The following DGKI variants were observed in gnomAD, a reference collection of about 807,000 sequenced individuals.
DGKI encodes the protein DAG kinase iota.
In DGKI, 55 loss-of-function variants were observed where a neutral mutation model predicts 147.5. That is an observed-to-expected ratio of 0.37 (90% CI 0.30 to 0.47). The LOEUF (loss-of-function observed/expected upper bound fraction) is 0.47. Ranked by LOEUF, DGKI falls within the 20% of genes least tolerant of loss-of-function variation. The probability of loss-of-function intolerance (pLI) is 1.00; values close to 1 mark genes in which losing one functional copy is unlikely to be tolerated. For missense variants in DGKI, 1,007 were observed against 1,323.8 expected (o/e 0.76, Z 3.71); for synonymous variants, 469 against 477.1 (o/e 0.98, Z 0.22).
intron 2 of DGKI, among the ~76,000 whole-genome samples, chr7:137,683,847 G>A (rs1585367812): frequency 6.6e-6 from 1 of 152,026 alleles, no homozygotes; most frequent in Admixed American, 6.6e-5. Flanking sequence ...TAAGAGTGGA[G>A]ATTCACCTAA....
At chr7:137,654,051 G>A (rs954397548) in intron 5 of DGKI, among the ~76,000 whole-genome samples, 3 of 152,176 alleles carry the variant, frequency 2.0e-5, no homozygotes, top group African/African-American at 7.2e-5. Flanking sequence ...AATAAGTGCT[G>A]TCTCCTCTTG....
At chr7:137,454,705 A>G (rs1332746955) in intron 27 of DGKI, 1 of 152,198 alleles carries the variant, frequency 6.6e-6, no homozygotes, top group Non-Finnish European at 1.5e-5. Flanking sequence ...AAAAGGGTGA[A>G]GAAATAGAAA....
At chr7:137,588,355 C>T (rs1819482025) in intron 12 of DGKI, among the ~76,000 whole-genome samples, 1 of 151,626 alleles carries the variant, frequency 6.6e-6, no homozygotes, top group South Asian at 2.1e-4. Flanking sequence ...AACACTACTT[C>T]ATATAAAACC....
intron 30 of DGKI, among the ~76,000 whole-genome samples, chr7:137,398,879 A>G (rs1368193718): frequency 6.6e-6 from 1 of 151,996 alleles, no homozygotes; most frequent in African/African-American, 2.4e-5. Context: ...AGAAGGTCTT[A>G]TATCATCTAG....
Position 137,393,529 on chromosome 7 carries a change from A to G in DGKI, c.3057+2069T>C, listed in dbSNP as rs117676207. 2.5e-3 allele frequency among the ~76,000 whole-genome samples: 375 copies of G among 152,354 alleles called. 1 individual carries two copies. The highest frequency in any genetic ancestry group is 4.6e-3 in the Non-Finnish European group (311 of 68,030). On this transcript the variant is annotated intron_variant, in intron 32 of 32. Coordinates refer to ENST00000614521, the MANE Select transcript of DGKI (RefSeq NM_001321708.2). Reference sequence around the variant, plus strand: ...TAACCTGGCTCCATTAATCCTGAATATAAGTTGTGTGTTTCTCAATCAGGC... The same window carrying G: ...TAACCTGGCTCCATTAATCCTGAATGTAAGTTGTGTGTTTCTCAATCAGGC...
chr7:137,845,824 G>A (rs999568408), intron 1 of DGKI, among the ~76,000 whole-genome samples: 2 of 152,152 alleles, frequency 1.3e-5, no homozygotes, highest in Admixed American at 6.5e-5. Context: ...AGCCAGGAGA[G>A]AGGCAAGGAG....
intron 1 of DGKI, among the ~76,000 whole-genome samples, chr7:137,799,940 G>A (rs2116956799): frequency 6.6e-6 from 1 of 152,172 alleles, no homozygotes; most frequent in Non-Finnish European, 1.5e-5. Flanking sequence ...GTATTTAATG[G>A]CATTAGAAAT....
At chr7:137,837,485 T>C (rs1430547258) in intron 1 of DGKI, among the ~76,000 whole-genome samples, 1 of 152,194 alleles carries the variant, frequency 6.6e-6, no homozygotes, top group Admixed American at 6.6e-5. Flanking sequence ...GGCTGGTGTT[T>C]ATGTCCTCCC....
chr7:137,715,666 T>C (rs1015168449), intron 1 of DGKI, among the ~76,000 whole-genome samples: 5 of 152,224 alleles, frequency 3.3e-5, no homozygotes, highest in Non-Finnish European at 7.3e-5. Context: ...AGCAGTGCCC[T>C]GTAGCATGCA....
intron 1 of DGKI, among the ~76,000 whole-genome samples, chr7:137,734,224 G>A (rs1794961383): frequency 6.6e-6 from 1 of 152,050 alleles, no homozygotes. Flanking sequence ...ATAAAAGATG[G>A]ATTTGGGGGC....
chr7:137,574,319 C>T lies in DGKI; in HGVS notation c.1762-1481G>A, dbSNP rs183903826. On this transcript the variant is annotated intron_variant, in intron 17 of 32. Transcript: ENST00000614521. ...GTACTCTCAACTACTAAGCAAACAT[C>T]TTCCAACTTACTTAAGAACTTGAAA... Among the ~76,000 whole-genome samples, 115 of 152,258 alleles carry T rather than the reference C, an allele frequency of 7.6e-4. 1 individual carries two copies. Among genetic ancestry groups the T allele is most frequent in the African/African-American group, 2.5e-3 (105 of 41,532 alleles).
chr7:137,387,065 C>A lies in DGKI; in HGVS notation c.*4155G>T, dbSNP rs1019394778. The A allele has an allele frequency of 1.3e-5, 2 of 152,096 alleles. No individual in the cohort carries two copies. Among genetic ancestry groups the A allele is most frequent in the African/African-American group, 4.8e-5 (2 of 41,422 alleles). The allele number at this position is 152,096 out of a possible 1,614,324, so 9.4% of individuals were successfully genotyped here. On this transcript the variant is annotated 3_prime_UTR_variant, in exon 33 of 33. Transcript: ENST00000614521. The stretch of plus-strand genomic sequence containing the variant: ...CTACTCCTTCTGGAAGGAAGACAAG[C>A]TGCTCAGACCCCCATACTACACTGA...
In DGKI at chr7:137,605,582, T is replaced by A. The variant is rs1416903234; in HGVS notation, c.1167+3384A>T. On this transcript the variant is annotated intron_variant, in intron 10 of 32. Transcript: ENST00000614521. Reference sequence around the variant, plus strand: ...AGGTGTTCATCAGTGGAAGAATGGATAAAGAAACTGTGGTATATATACATA... The same window carrying A: ...AGGTGTTCATCAGTGGAAGAATGGAAAAAGAAACTGTGGTATATATACATA... Among the ~76,000 whole-genome samples the A allele has an allele frequency of 2.0e-5, 3 of 151,910 alleles. No homozygotes were observed. The East Asian group carries it at 5.8e-4, about 29-fold the overall frequency.
chr7:137,660,196 C>T lies in DGKI; in HGVS notation c.607-3656G>A, dbSNP rs1822374798. 3.9e-5 allele frequency among the ~76,000 whole-genome samples: 6 copies of T among 152,200 alleles called. No homozygotes were observed. In the South Asian group the frequency reaches 1.2e-3, roughly 32 times the overall value. ...TGCTGGTGTTGGTATTCAAAAGAAA[C>T]TTATTTGTAGGTGTGTGGTACGGGG... On this transcript the variant is annotated intron_variant, in intron 3 of 32. Coordinates refer to ENST00000614521, the MANE Select transcript of DGKI (RefSeq NM_001321708.2).
intron 20 of DGKI, among the ~76,000 whole-genome samples, chr7:137,548,005 A>G (rs1817920646): frequency 6.6e-6 from 1 of 152,184 alleles, no homozygotes; most frequent in South Asian, 2.1e-4. Flanking sequence ...CCTGGAACAA[A>G]GAGCAAAGAG....
intron 12 of DGKI, among the ~76,000 whole-genome samples, chr7:137,597,126 A>T (rs1397308667): frequency 6.6e-6 from 1 of 152,188 alleles, no homozygotes; most frequent in Non-Finnish European, 1.5e-5. Context: ...TTTTTTTCAT[A>T]AATGAATACA....
chr7:137,468,090 C>T (rs187852357), intron 24 of DGKI, among the ~76,000 whole-genome samples: 2 of 151,402 alleles, frequency 1.3e-5, no homozygotes, highest in East Asian at 3.9e-4. Context: ...ACAAAACAAA[C>T]AGCACAAGAA....
intron 5 of DGKI, among the ~76,000 whole-genome samples, chr7:137,648,045 G>C (rs1472306481): frequency 1.4e-5 from 2 of 147,520 alleles, no homozygotes; most frequent in East Asian, 3.9e-4. Context: ...TGCAAAACAG[G>C]GCTCACGCTA....
chr7:137,795,314 C>T (rs1001407509), intron 1 of DGKI, among the ~76,000 whole-genome samples: 1 of 152,124 alleles, frequency 6.6e-6, no homozygotes, highest in Non-Finnish European at 1.5e-5. Flanking sequence ...GGCCTAGTAG[C>T]TATTGGAGAG....
Sources: allele counts gnomAD v4.1 joint callset (sites outside exome capture counted in the v4.1 genomes callset), GRCh38; gene constraint gnomAD v4.1.1; transcripts MANE v1.5; gene names NCBI Gene and HGNC (gene_info 2026-07-23, HGNC 2026-07-21).